PRIM2: variants seen among roughly 807,000 people sequenced by gnomAD.
PRIM2 encodes the protein DNA primase large subunit.
Under a neutral mutation model 67.3 loss-of-function variants are expected in PRIM2, and 39 were observed. The ratio of observed to expected loss-of-function variants is 0.58; its 90% CI spans 0.45 to 0.76. The LOEUF (loss-of-function observed/expected upper bound fraction) is 0.76. Among genes scored for constraint, PRIM2 ranks in the 30% least tolerant of loss-of-function variants. The pLI is 0.00. For synonymous variants in PRIM2, 143 were observed against 198.7 expected (o/e 0.72, Z 2.36); for missense variants, 398 against 598.7 (o/e 0.66, Z 3.50).
intron 13 of PRIM2, among the ~76,000 whole-genome samples, chr6:57,642,872 A>G (rs1777271313): frequency 6.6e-6 from 1 of 152,222 alleles, no homozygotes; most frequent in African/African-American, 2.4e-5. Flanking sequence ...ATAATACAGC[A>G]TCAGCAATTT....
chr6:57,393,019 GACAC>G (rs1235019046), intron 7 of PRIM2, among the ~76,000 whole-genome samples: 2 of 144,966 alleles, frequency 1.4e-5, no homozygotes, highest in East Asian at 4.1e-4. Context: ...TATATACATA[GACAC>G]ACACACACCA....
chr6:57,242,490 T>C, the PRIM2 span, among the ~76,000 whole-genome samples: 1 of 152,162 alleles, frequency 6.6e-6, no homozygotes, highest in East Asian at 1.9e-4. Flanking sequence ...GGCTAAAAAA[T>C]GGAAATAAAA....
chr6:57,382,283 T>C (rs927139397), intron 7 of PRIM2, 115 bp downstream of exon 7: 7 of 1,168,822 alleles, frequency 6.0e-6, no homozygotes, highest in Non-Finnish European at 7.1e-6. Flanking sequence ...TTCATAATGA[T>C]ATTCAGATTA....
chr6:57,292,767 G>GGGAAAACTGGCTAGTTATATGT, the PRIM2 span, among the ~76,000 whole-genome samples: 1 of 152,164 alleles, frequency 6.6e-6, no homozygotes, highest in African/African-American at 2.4e-5. Flanking sequence ...AAATGGTGCT[G>GGGAAAACTGGCTAGTTATATGT]GGAAAACTGG....
Position 57,568,254 on chromosome 6 carries a change from C to T in PRIM2, c.1020+30629C>T, listed in dbSNP as rs1421034442. 7.9e-5 allele frequency among the ~76,000 whole-genome samples: 12 copies of T among 152,164 alleles called. No homozygotes were observed. In the East Asian group the frequency reaches 1.5e-3, roughly 20 times the overall value. ...GGATAGGTAGGAAAATATGTTTTTC[C>T]GTGACCAATAATGTCATTTATTATG... On this transcript the variant is annotated intron_variant, in intron 10 of 13. Transcript: ENST00000615550.
chr6:57,388,064 T>C (rs1770209002), intron 7 of PRIM2, among the ~76,000 whole-genome samples: 1 of 152,142 alleles, frequency 6.6e-6, no homozygotes, highest in African/African-American at 2.4e-5. Flanking sequence ...AGCTAGAGCA[T>C]AGTGAGCTAC....
At chr6:57,618,114 C>T (rs1776786640) in intron 12 of PRIM2, among the ~76,000 whole-genome samples, 1 of 152,182 alleles carries the variant, frequency 6.6e-6, no homozygotes, top group Admixed American at 6.5e-5. Context: ...TTATGCCAGC[C>T]AGTACCACAC....
In PRIM2 at chr6:57,339,392, C is replaced by T. The variant is rs1205196255; in HGVS notation, c.459+13347C>T. Among the ~76,000 whole-genome samples, 20 of 152,038 alleles carry T rather than the reference C, an allele frequency of 1.3e-4. No individual in the cohort carries two copies. The East Asian group carries it at 2.5e-3, about 19-fold the overall frequency. ...TATGGAACCAAAAAAGAGCCCGCAT[C>T]GCCAAGTCAATCCTAAGCCAAAAGA... On this transcript the variant is annotated intron_variant, in intron 5 of 13. Transcript: ENST00000615550.
At chr6:57,634,873 C>T (rs1216554292) in intron 13 of PRIM2, among the ~76,000 whole-genome samples, 2 of 152,162 alleles carry the variant, frequency 1.3e-5, no homozygotes, top group East Asian at 3.8e-4. Context: ...GTCTAACTAA[C>T]TTAAACCACA....
At chr6:57,261,096 A>T in the PRIM2 span, among the ~76,000 whole-genome samples, 4 of 152,168 alleles carry the variant, frequency 2.6e-5, no homozygotes, top group Admixed American at 1.3e-4. Flanking sequence ...TTTTCTGTGA[A>T]GGTTGAGGCT....
At chr6:57,427,307 A>T (rs1472252662) in intron 7 of PRIM2, among the ~76,000 whole-genome samples, 2 of 152,136 alleles carry the variant, frequency 1.3e-5, no homozygotes, top group Non-Finnish European at 2.9e-5. Context: ...TTGGAATTGT[A>T]TTTTAACTGG....
the PRIM2 span, among the ~76,000 whole-genome samples, chr6:57,250,742 C>G: frequency 6.6e-6 from 1 of 151,972 alleles, no homozygotes; most frequent in East Asian, 1.9e-4. Flanking sequence ...GGTGGGCGAG[C>G]AAAAAGTGGT....
chr6:57,341,267 A>G (rs1768477705), intron 5 of PRIM2, among the ~76,000 whole-genome samples: 1 of 152,216 alleles, frequency 6.6e-6, no homozygotes, highest in African/African-American at 2.4e-5. Context: ...GGTGTTTATT[A>G]GAACGTCGGT....
At chr6:57,436,286 T>C (rs1284399082) in intron 7 of PRIM2, among the ~76,000 whole-genome samples, 2 of 152,184 alleles carry the variant, frequency 1.3e-5, no homozygotes, top group Non-Finnish European at 2.9e-5. Context: ...TGAGTAAAGG[T>C]ATGAATAAAC....
intron 7 of PRIM2, among the ~76,000 whole-genome samples, chr6:57,459,163 C>T (rs1772914838): frequency 6.6e-6 from 1 of 152,066 alleles, no homozygotes; most frequent in Non-Finnish European, 1.5e-5. Context: ...GTTTCTTTAT[C>T]TGTAAAATGA....
At chr6:57,286,428 G>A in the PRIM2 span, among the ~76,000 whole-genome samples, 1 of 152,142 alleles carries the variant, frequency 6.6e-6, no homozygotes, top group African/African-American at 2.4e-5. Flanking sequence ...AAATGGAACA[G>A]AACAGAGGCC....
the PRIM2 span, among the ~76,000 whole-genome samples, chr6:57,245,746 G>A: frequency 6.6e-6 from 1 of 152,200 alleles, no homozygotes; most frequent in African/African-American, 2.4e-5. Context: ...ATCAGATCAG[G>A]AGTGCCTGCA....
chr6:57,613,621 C>T (rs1456041884), intron 12 of PRIM2, among the ~76,000 whole-genome samples: 7 of 152,148 alleles, frequency 4.6e-5, no homozygotes, highest in Non-Finnish European at 8.8e-5. Context: ...TTAGCTGCCA[C>T]ACTTTTATGG....
intron 12 of PRIM2, among the ~76,000 whole-genome samples, chr6:57,609,504 A>G (rs1776625877): frequency 1.8e-4 from 27 of 152,226 alleles, no homozygotes. Context: ...AGTCATAAAG[A>G]ATCACCTTTA....
Sources: gnomAD v4.1 joint callset for allele counts (sites outside exome capture counted in the v4.1 genomes callset) on GRCh38, gnomAD v4.1.1 for gene constraint, MANE v1.5 for transcripts, NCBI Gene and HGNC (gene_info 2026-07-23, HGNC 2026-07-21) for gene names.